Variants in PEX7 observed in about 807,000 individuals in gnomAD.
PEX7 encodes the protein peroxisomal biogenesis factor 7.
PEX7 carries 34 observed loss-of-function variants against 47.5 expected under a neutral mutation model. The observed-to-expected ratio is 0.72, with a 90% CI of 0.54 to 0.95. The LOEUF (loss-of-function observed/expected upper bound fraction) is 0.95. Among genes scored for constraint, PEX7 ranks in the 40% least tolerant of loss-of-function variants. The pLI is 0.00. For missense variants in PEX7, 394 were observed against 400.3 expected (o/e 0.98, Z 0.13); for synonymous variants, 141 against 148.8 (o/e 0.95, Z 0.38).
intron 3 of PEX7, among the ~76,000 whole-genome samples, chr6:136,843,719 A>G (rs865818055): frequency 8.5e-5 from 13 of 152,174 alleles, no homozygotes; most frequent in Non-Finnish European, 2.9e-5. Context: ...ATCCATAACT[A>G]ACAGATGGCC....
chr6:136,826,264 G>A, intron 2 of PEX7, 55 bp from the exon 3 acceptor site: 2 of 1,570,492 alleles, frequency 1.3e-6, no homozygotes, highest in Non-Finnish European at 1.7e-6. Flanking sequence ...TTTTTGTTGT[G>A]TAGCTGCCTA....
intron 9 of PEX7, among the ~76,000 whole-genome samples, chr6:136,910,516 G>A (rs1339296505): frequency 6.6e-6 from 1 of 152,178 alleles, no homozygotes; most frequent in Non-Finnish European, 1.5e-5. Flanking sequence ...TGTGAGCCCG[G>A]TGCAATGAGA....
intron 9 of PEX7, among the ~76,000 whole-genome samples, chr6:136,904,316 G>A (rs1375734975): frequency 6.6e-6 from 1 of 152,176 alleles, no homozygotes; most frequent in African/African-American, 2.4e-5. Flanking sequence ...GATATAACAA[G>A]TCCTTGTTGT....
chr6:136,882,047 TAATG>T (rs1404859757), intron 8 of PEX7, among the ~76,000 whole-genome samples: 1 of 152,176 alleles, frequency 6.6e-6, no homozygotes, highest in Non-Finnish European at 1.5e-5. Context: ...TTTCTTTTAT[TAATG>T]TGTAATATGG....
intron 9 of PEX7, among the ~76,000 whole-genome samples, chr6:136,899,262 G>A (rs75082075): frequency 7.5e-6 from 1 of 132,942 alleles, no homozygotes; most frequent in African/African-American, 2.9e-5. Flanking sequence ...TTTTTTTTTT[G>A]ACAGAGTTTT....
At chr6:136,839,185 A>T (rs559465930) in intron 3 of PEX7, among the ~76,000 whole-genome samples, 2 of 152,318 alleles carry the variant, frequency 1.3e-5, no homozygotes, top group Admixed American at 1.3e-4. Context: ...ATCCTGTCTC[A>T]AAAGAGAAAA....
intron 8 of PEX7, among the ~76,000 whole-genome samples, chr6:136,880,604 C>T (rs1474954176): frequency 6.6e-6 from 1 of 152,114 alleles, no homozygotes; most frequent in Non-Finnish European, 1.5e-5. Flanking sequence ...GTGTGGAAGA[C>T]CTGAGGTTTG....
intron 9 of PEX7, among the ~76,000 whole-genome samples, chr6:136,899,088 T>C (rs1359915577): frequency 7.1e-6 from 1 of 141,746 alleles, no homozygotes; most frequent in African/African-American, 2.8e-5. Context: ...TTCTTTTTTT[T>C]TTTTTTTTTT....
At chr6:136,829,703 G>A (rs1399806582) in intron 3 of PEX7, among the ~76,000 whole-genome samples, 2 of 152,180 alleles carry the variant, frequency 1.3e-5, no homozygotes, top group Non-Finnish European at 2.9e-5. Flanking sequence ...TTGGAAGGTC[G>A]AGGTGGGCAG....
Position 136,913,714 on chromosome 6 carries a change from C to A in PEX7, c.*188C>A. 1 of 595,744 alleles carries A rather than the reference C, an allele frequency of 1.7e-6. No homozygotes were observed. 36.9% of individuals were successfully genotyped at this position (595,744 alleles called of 1,614,324 possible). ...TTTAGCTGACTCGTTAAGCCTGATACATAAGCCATATTTAAAATTCTAAGA... is the reference window on the plus strand; with the variant it reads ...TTTAGCTGACTCGTTAAGCCTGATAAATAAGCCATATTTAAAATTCTAAGA... On this transcript the variant is annotated 3_prime_UTR_variant, in exon 10 of 10. Coordinates refer to ENST00000318471, the MANE Select transcript of PEX7 (RefSeq NM_000288.4).
At chr6:136,822,947 T>C (rs2115123587) in intron 1 of PEX7, 152 bp downstream of exon 1, 1 of 1,208,620 alleles carries the variant, frequency 8.3e-7, no homozygotes, top group Non-Finnish European at 1.0e-6. Context: ...TGGTCGGCGC[T>C]TCTCCTTTCT....
rs557195135 is a variant in PEX7 at position 136,824,246 on chromosome 6, G to A, written c.131-968G>A. The stretch of plus-strand genomic sequence containing the variant: ...AGACAGGGTCTCACCCTGTTGCCTA[G>A]GTTGAGTAGAGTGGTGCAATCACAG... On this transcript the variant is annotated intron_variant, in intron 1 of 9. Transcript: ENST00000318471. Among the ~76,000 whole-genome samples, 4 of 152,142 alleles carry A rather than the reference G, an allele frequency of 2.6e-5. No homozygotes were observed. In the South Asian group the frequency reaches 8.3e-4, roughly 32 times the overall value.
chr6:136,871,569 C>G (rs984550801), intron 7 of PEX7, among the ~76,000 whole-genome samples: 3 of 151,788 alleles, frequency 2.0e-5, no homozygotes, highest in African/African-American at 7.3e-5. Context: ...TTTGCTTTTG[C>G]TTTTTTTGAG....
chr6:136,841,413 A>G (rs73567976), intron 3 of PEX7, among the ~76,000 whole-genome samples: 6,309 of 152,170 alleles, frequency 0.041, 459 homozygotes, highest in African/African-American at 0.14. Flanking sequence ...AGGGTGCTGT[A>G]TATTCCCATT....
chr6:136,847,956 A>G (rs903419949), intron 5 of PEX7, among the ~76,000 whole-genome samples: 1 of 152,172 alleles, frequency 6.6e-6, no homozygotes, highest in Non-Finnish European at 1.5e-5. Flanking sequence ...TTTTCACGAT[A>G]TTGATTCTTC....
chr6:136,837,361 C>CAAAAAAAAAAAAAAAA (rs58922622), intron 3 of PEX7, among the ~76,000 whole-genome samples: 1,085 of 83,154 alleles, frequency 0.013, 154 homozygotes, highest in South Asian at 0.026. Flanking sequence ...GAGTCTGTCA[C>CAAAAAAAAAAAAAAAA]AAAAAAAAAA....
At chr6:136,873,664 G>C (rs1468754953) in intron 8 of PEX7, among the ~76,000 whole-genome samples, 5 of 152,194 alleles carry the variant, frequency 3.3e-5, no homozygotes, top group African/African-American at 9.6e-5. Context: ...CTAATACAGT[G>C]CTAAATAGTT....
At chr6:136,834,028 A>G (rs73567968) in intron 3 of PEX7, among the ~76,000 whole-genome samples, 208 of 152,332 alleles carry the variant, frequency 1.4e-3, no homozygotes, top group African/African-American at 4.9e-3. Flanking sequence ...AACAAAAAAA[A>G]CAACCATTCC....
At chr6:136,911,684 G>A (rs140239454) in intron 9 of PEX7, among the ~76,000 whole-genome samples, 2,002 of 149,556 alleles carry the variant, frequency 0.013, 16 homozygotes, top group South Asian at 0.032. Flanking sequence ...TGGGATTACA[G>A]GTATGAACCA....
Sources: allele counts gnomAD v4.1 joint callset (sites outside exome capture counted in the v4.1 genomes callset), GRCh38; gene constraint gnomAD v4.1.1; transcripts MANE v1.5; gene names NCBI Gene and HGNC (gene_info 2026-07-23, HGNC 2026-07-21).